LYRM1: variants seen among roughly 807,000 people sequenced by gnomAD.
The protein encoded by LYRM1 is LYR motif-containing protein 1.
In LYRM1, 14 loss-of-function variants were observed where a neutral mutation model predicts 14.9. The ratio of observed to expected loss-of-function variants is 0.94; its 90% CI spans 0.62 to 1.47. The LOEUF (loss-of-function observed/expected upper bound fraction) is 1.47, where lower values mean the gene tolerates loss of function less well. LYRM1 is among the 40% of genes most tolerant of loss of function. The pLI is 0.00. For missense variants in LYRM1, 153 were observed against 149.9 expected (o/e 1.02, Z -0.11); for synonymous variants, 43 against 56.2 (o/e 0.77, Z 1.05).
At chr16:20,905,688 G>A (rs1156433670) in intron 1 of LYRM1, among the ~76,000 whole-genome samples, 2 of 152,132 alleles carry the variant, frequency 1.3e-5, no homozygotes, top group African/African-American at 4.8e-5. Flanking sequence ...AATATTATAA[G>A]GTATTTCAGT....
chr16:20,904,813 A>C (rs1215887667), intron 1 of LYRM1, among the ~76,000 whole-genome samples: 1 of 151,910 alleles, frequency 6.6e-6, no homozygotes, highest in Non-Finnish European at 1.5e-5. Flanking sequence ...ATATGGGTGT[A>C]CACCAAAAAG....
chr16:20,916,937 G>T (rs775984830), intron 2 of LYRM1, among the ~76,000 whole-genome samples: 5 of 152,110 alleles, frequency 3.3e-5, no homozygotes, highest in African/African-American at 4.8e-5. Flanking sequence ...TGCTACAAAG[G>T]CTGGACATGG....
chr16:20,900,366 A>C (rs1182391293), upstream of LYRM1: 1 of 134,554 alleles, frequency 7.4e-6, no homozygotes, highest in Non-Finnish European at 1.6e-5. Flanking sequence ...TCTGCGGCCC[A>C]CCGGCGGCGG....
At chr16:20,905,479 A>AGTTGCTCTG (rs1234201904) in intron 1 of LYRM1, among the ~76,000 whole-genome samples, 1 of 152,196 alleles carries the variant, frequency 6.6e-6, no homozygotes, top group East Asian at 1.9e-4. Flanking sequence ...ACAGGGCAAG[A>AGTTGCTCTG]ACATCTGGTT....
chr16:20,901,672 G>A lies in LYRM1; in HGVS notation c.-1+783G>A, dbSNP rs1016384914. Among the ~76,000 whole-genome samples, 1 of 152,262 alleles carries A rather than the reference G, an allele frequency of 6.6e-6. No individual in the cohort carries two copies. The highest frequency in any genetic ancestry group is 1.5e-5 in the Non-Finnish European group (1 of 68,048). On this transcript the variant is annotated intron_variant, in intron 1 of 3. Transcript: ENST00000567954. The surrounding 1 kb of genome is among the most constrained non-coding windows in gnomAD (Gnocchi z 4.6). ...CAGCGCCTTTTAGCCCAAGGCAGGG[G>A]TTTGGCTAATGTGTACCTTAAGGGT...
chr16:20,921,478 C>T (rs1313811037), intron 3 of LYRM1: 2 of 152,114 alleles, frequency 1.3e-5, no homozygotes, highest in African/African-American at 4.8e-5. Flanking sequence ...CTGCTCACTA[C>T]AACCTCTGCC....
upstream of LYRM1, chr16:20,900,324 C>T (rs1411965914): frequency 6.6e-6 from 1 of 151,920 alleles, no homozygotes; most frequent in Non-Finnish European, 1.5e-5. Flanking sequence ...GCCGCCGCCT[C>T]TTCTTCCACC....
intron 1 of LYRM1, among the ~76,000 whole-genome samples, chr16:20,912,496 C>A (rs542600860): frequency 1.1e-4 from 16 of 151,994 alleles, no homozygotes; most frequent in South Asian, 6.2e-4. Flanking sequence ...TGGTCTTGAT[C>A]TCCTGACTTT....
chr16:20,915,778 CT>C, intron 2 of LYRM1, 64 bp downstream of exon 2: 1 of 1,539,132 alleles, frequency 6.5e-7, no homozygotes, highest in Admixed American at 1.8e-5. Flanking sequence ...TTGTTTATTT[CT>C]TTTCGGTCTT....
chr16:20,904,723 G>GTGTGTGTGTGTT (rs1327870053), intron 1 of LYRM1, among the ~76,000 whole-genome samples: 1 of 151,848 alleles, frequency 6.6e-6, no homozygotes, highest in African/African-American at 2.4e-5. Flanking sequence ...GTGTGTGTGT[G>GTGTGTGTGTGTT]TGTTTAATTG....
In LYRM1 at chr16:20,903,425, G is replaced by A. The variant is rs143004713; in HGVS notation, c.-1+2536G>A. ...GATTTGCAATTCTTGGTCTAGGGCTGTGCTATCCCTGTGTAGCCACTGACC... is the reference window on the plus strand; with the variant it reads ...GATTTGCAATTCTTGGTCTAGGGCTATGCTATCCCTGTGTAGCCACTGACC... On this transcript the variant is annotated intron_variant, in intron 1 of 3. Coordinates refer to ENST00000567954, the MANE Select transcript of LYRM1 (RefSeq NM_001128302.3). Among the ~76,000 whole-genome samples, 930 of 152,300 alleles carry A rather than the reference G, an allele frequency of 6.1e-3. 13 individuals are homozygous for A. Among genetic ancestry groups the A allele is most frequent in the African/African-American group, 0.021 (892 of 41,564 alleles).
chr16:20,920,026 G>A, intron 2 of LYRM1, 96 bp from the exon 3 acceptor site: 1 of 625,194 alleles, frequency 1.6e-6, no homozygotes, highest in Non-Finnish European at 2.6e-6. Context: ...TCATTTACTG[G>A]CTAGTGAACT....
At chr16:20,900,945 G>A (rs1262014696) in intron 1 of LYRM1, 56 bp downstream of exon 1, 4 of 152,836 alleles carry the variant, frequency 2.6e-5, no homozygotes, top group Non-Finnish European at 5.8e-5. Context: ...GCGGGGAAGG[G>A]GTTGGCTCCC....
chr16:20,924,189 T>C lies in LYRM1; in HGVS notation c.*73T>C, dbSNP rs2083351105. The C allele has an allele frequency of 6.2e-6, 5 of 811,586 alleles. No homozygotes were observed. In the Admixed American group the frequency reaches 1.1e-4, roughly 17 times the overall value. 50.3% of individuals were successfully genotyped at this position (811,586 alleles called of 1,614,324 possible). ...AATGTAAACCAGATGGCAAAACACT[T>C]CTTGATTAGGGGCAAAAATTCAAAT... On this transcript the variant is annotated 3_prime_UTR_variant, in exon 4 of 4. Transcript: ENST00000567954.
rs369471405 is a variant in LYRM1, at chr16:20,917,581, G to A, written c.159+1867G>A. On this transcript the variant is annotated intron_variant, in intron 2 of 3. Coordinates refer to ENST00000567954, the MANE Select transcript of LYRM1 (RefSeq NM_001128302.3). ...TTAAGATGAGCCTGGCCAACATGGT[G>A]AAACCCTGTCTACTAAAAATACAAA... 9.5e-4 allele frequency among the ~76,000 whole-genome samples: 145 copies of A among 152,124 alleles called. 4 individuals carry two copies. In the South Asian group the frequency reaches 0.029, roughly 31 times the overall value.
chr16:20,920,000 C>A, intron 2 of LYRM1, 122 bp from the exon 3 acceptor site: 1 of 535,252 alleles, frequency 1.9e-6, no homozygotes, highest in African/African-American at 2.0e-5. Context: ...TTTTGATTTT[C>A]CAAATTAGTA....
rs745898770 is a variant in LYRM1 at position 20,924,067 on chromosome 16, G to T, written c.320G>T (p.Arg107Met). Residue 107 changes from arginine to methionine, a missense_variant, in exon 4 of 4, where the codon AGG becomes ATG. Physicochemically the swap from Arg to Met is moderately conservative, Grantham distance 91. Transcript: ENST00000567954. ...GGACTTCGAAGCCAAGAGAAACTGA[G>T]GAAACTTTCCAAACCAGTATATCTC... ...GRGLRSQEKLRKLSKPVYLRS... is the reference protein window; with the variant it reads ...GRGLRSQEKLMKLSKPVYLRS... The T allele has an allele frequency of 1.9e-6, 3 of 1,613,520 alleles. No individual in the cohort carries two copies. The South Asian group carries it at 3.3e-5, about 18-fold the overall frequency.
At position 20,900,882 on chromosome 16, in the gene LYRM1, G is replaced by C. The variant is rs1278340283; in HGVS notation, c.-8G>C. 1 of 152,764 alleles carries C rather than the reference G, an allele frequency of 6.5e-6. No homozygotes were observed. The highest frequency in any genetic ancestry group is 1.9e-4 in the East Asian group (1 of 5,186). 9.5% of individuals were successfully genotyped at this position (152,764 alleles called of 1,614,324 possible). A position where few individuals can be genotyped will look rare whatever the true frequency, so the allele number is the denominator to read the frequency against. On this transcript the variant is annotated 5_prime_UTR_variant, in exon 1 of 4. Coordinates refer to ENST00000567954, the MANE Select transcript of LYRM1 (RefSeq NM_001128302.3). The stretch of plus-strand genomic sequence containing the variant: ...TCTGTGGGTGGGGGAAGGCAGGACT[G>C]ACGCAGAGTGAGTGTAGGGGATGGA...
chr16:20,900,050 A>G (rs1489315320), upstream of LYRM1: 2 of 152,136 alleles, frequency 1.3e-5, no homozygotes, highest in African/African-American at 4.8e-5. Context: ...GGCTCCCCTC[A>G]CAGCCTCTTC....
Sources: allele counts gnomAD v4.1 joint callset (sites outside exome capture counted in the v4.1 genomes callset), GRCh38; gene constraint gnomAD v4.1.1; non-coding constraint Gnocchi (gnomAD v3.1); transcripts MANE v1.5; gene names NCBI Gene and HGNC (gene_info 2026-07-23, HGNC 2026-07-21).